ZNF138: variants seen among roughly 807,000 people sequenced by gnomAD.
ZNF138 encodes zinc finger protein 138.
In ZNF138, 33 loss-of-function variants were observed where a neutral mutation model predicts 33.0. That is an observed-to-expected ratio of 1.00 (90% confidence interval 0.76 to 1.34). ZNF138 has a LOEUF of 1.34. Among genes scored for constraint, ZNF138 ranks in the 40% most tolerant of loss-of-function variants. The pLI is 0.00. For missense variants in ZNF138, 360 were observed against 370.8 expected, an observed-to-expected ratio of 0.97 and a Z score of 0.24; for synonymous variants, 139 against 120.4, an observed-to-expected ratio of 1.15 and a Z score of -1.01.
chr7:64,832,930 G>A lies in ZNF138; in HGVS notation c.*728G>A, dbSNP rs751328280. On this transcript the variant is annotated 3_prime_UTR_variant, in exon 4 of 4. Transcript: ENST00000307355. ...TGAATGAAACCCTACAAATGTGAAC[G>A]ATGTGGCAGTTGTTTTAACTAGTTC... is the stretch of plus-strand genomic sequence containing the variant. 1.4e-4 allele frequency: 53 copies of A among 379,108 alleles called. No homozygotes were observed. The highest frequency in any genetic ancestry group is 9.7e-4 in the African/African-American group (46 of 47,580). The allele number at this position is 379,108 out of a possible 1,614,324, so 23.5% of individuals were successfully genotyped here.
At chr7:64,822,775 A>G (rs990915978) in intron 3 of ZNF138, among the ~76,000 whole-genome samples, 2 of 152,230 alleles carry the variant, frequency 1.3e-5, no homozygotes, top group Non-Finnish European at 2.9e-5. Context: ...TAAAAATTTT[A>G]AACTATTTCT....
chr7:64,800,662 G>A (rs932743133), intron 1 of ZNF138, among the ~76,000 whole-genome samples: 1 of 152,128 alleles, frequency 6.6e-6, no homozygotes, highest in African/African-American at 2.4e-5. Flanking sequence ...TTATATCTGT[G>A]TCAGGTTTTG....
chr7:64,816,628 A>T (rs1173586047), intron 3 of ZNF138, among the ~76,000 whole-genome samples: 2 of 152,184 alleles, frequency 1.3e-5, no homozygotes, highest in Admixed American at 6.5e-5. Flanking sequence ...CATGGTCTAC[A>T]ACCAGCAACG....
chr7:64,810,366 A>G (rs1472013899), intron 1 of ZNF138, among the ~76,000 whole-genome samples: 7 of 111,822 alleles, frequency 6.3e-5, no homozygotes, highest in Non-Finnish European at 1.2e-4. Context: ...AAAATCAGGC[A>G]GAGAGGTTGC....
intron 1 of ZNF138, 125 bp from the exon 2 acceptor site, chr7:64,814,793 C>A: frequency 8.1e-7 from 1 of 1,227,462 alleles, no homozygotes; most frequent in Non-Finnish European, 1.1e-6. Flanking sequence ...TGAATAATTT[C>A]AGTCACTCCT....
chr7:64,853,380 A>G, the ZNF138 span: 1 of 1,287,142 alleles, frequency 7.8e-7, no homozygotes. Flanking sequence ...CTCTCCTCAC[A>G]GCTCAGCCCC....
At chr7:64,829,074 C>T (rs1185661106) in intron 3 of ZNF138, among the ~76,000 whole-genome samples, 2 of 152,058 alleles carry the variant, frequency 1.3e-5, no homozygotes, top group African/African-American at 2.4e-5. Flanking sequence ...GTGATCTATA[C>T]AAATTCAGTT....
chr7:64,843,328 T>C, the ZNF138 span, among the ~76,000 whole-genome samples: 1 of 152,214 alleles, frequency 6.6e-6, no homozygotes, highest in Non-Finnish European at 1.5e-5. Context: ...TAACCAATAA[T>C]AAAATTGCTG....
At chr7:64,797,795 C>T (rs1363838802) in intron 1 of ZNF138, among the ~76,000 whole-genome samples, 1 of 152,056 alleles carries the variant, frequency 6.6e-6, no homozygotes, top group Non-Finnish European at 1.5e-5. Flanking sequence ...AATACTGCAA[C>T]AGAAGGAAGT....
chr7:64,819,857 G>T (rs568899714), intron 3 of ZNF138, among the ~76,000 whole-genome samples: 1 of 151,334 alleles, frequency 6.6e-6, no homozygotes, highest in South Asian at 2.1e-4. Flanking sequence ...AGGATTACTT[G>T]AGCATGAAAG....
intron 3 of ZNF138, among the ~76,000 whole-genome samples, chr7:64,821,049 T>G (rs1279398368): frequency 9.8e-4 from 5 of 5,116 alleles, no homozygotes; most frequent in Non-Finnish European, 9.0e-3. Flanking sequence ...TTTTTTGTTT[T>G]GTTTTTGGTT....
At chr7:64,797,822 T>C (rs956266156) in intron 1 of ZNF138, among the ~76,000 whole-genome samples, 2 of 152,094 alleles carry the variant, frequency 1.3e-5, no homozygotes, top group Admixed American at 1.3e-4. Context: ...TATATAATCT[T>C]TAAGGATTGC....
chr7:64,853,477 A>C, the ZNF138 span: 1 of 532,724 alleles, frequency 1.9e-6, no homozygotes, highest in Non-Finnish European at 3.4e-6. Flanking sequence ...TATATATATG[A>C]GATCATGTAG....
At chr7:64,830,974 C>A in intron 3 of ZNF138, 1 of 1,551,518 alleles carries the variant, frequency 6.4e-7, no homozygotes, top group Non-Finnish European at 8.7e-7. Flanking sequence ...GTGGACTCAA[C>A]ATTTTGTCAT....
chr7:64,794,461 T>A lies in ZNF138; in HGVS notation c.-108T>A. 2 of 1,548,448 alleles carry A rather than the reference T, an allele frequency of 1.3e-6. No individual in the cohort carries two copies. Among genetic ancestry groups the A allele is most frequent in the African/African-American group, 2.7e-5 (2 of 73,218 alleles). On this transcript the variant is annotated 5_prime_UTR_variant, in exon 1 of 4. Coordinates refer to ENST00000307355, the MANE Select transcript of ZNF138 (RefSeq NM_001271639.2). Reference sequence around the variant, plus strand: ...GCAGCGGGTGCTGCAGGTCTGGCCTTCACTTTTCTGCGTCCTCTTACTCCT... The same window carrying A: ...GCAGCGGGTGCTGCAGGTCTGGCCTACACTTTTCTGCGTCCTCTTACTCCT...
Position 64,814,982 on chromosome 7 carries a change from C to T in ZNF138, c.68C>T (p.Thr23Ile), listed in dbSNP as rs370833104. Residue 23 changes from threonine (T) to isoleucine (I), a missense_variant, in exon 2 of 4, where the codon ACT becomes ATT. Transcript: ENST00000307355. Reference sequence around the variant, plus strand: ...TTGGAGGAGTGGCAGTGCCTGGACACTGCACAGCGGAATGTATATAGGCAT... The same window carrying T: ...TTGGAGGAGTGGCAGTGCCTGGACATTGCACAGCGGAATGTATATAGGCAT... ...FSLEEWQCLD[T>I]AQRNVYRHVM... is the part of the protein sequence containing the mutation. 1 of 1,613,262 alleles carries T rather than the reference C, an allele frequency of 6.2e-7. No individual in the cohort carries two copies. The highest frequency in any genetic ancestry group is 1.7e-5 in the Admixed American group (1 of 59,940).
chr7:64,818,550 G>C (rs1788861409), intron 3 of ZNF138, among the ~76,000 whole-genome samples: 1 of 151,992 alleles, frequency 6.6e-6, no homozygotes, highest in African/African-American at 2.4e-5. Context: ...AGGAGTTCGA[G>C]ACCAGCCTGG....
the ZNF138 span, among the ~76,000 whole-genome samples, chr7:64,839,990 CG>C: frequency 7.2e-6 from 1 of 139,000 alleles, no homozygotes; most frequent in East Asian, 2.5e-4. Flanking sequence ...GAGGAGTGGG[CG>C]GGGTAGGGGC....
intron 3 of ZNF138, among the ~76,000 whole-genome samples, chr7:64,822,476 G>T (rs1789249878): frequency 1.3e-5 from 2 of 151,258 alleles, no homozygotes; most frequent in African/African-American, 4.9e-5. Context: ...TTTGTATGTG[G>T]TTCGAGAAAA....
Sources: gnomAD v4.1 joint callset for allele counts (sites outside exome capture counted in the v4.1 genomes callset) on GRCh38, gnomAD v4.1.1 for gene constraint, MANE v1.5 for transcripts, NCBI Gene and HGNC (gene_info 2026-07-23, HGNC 2026-07-21) for gene names.